The following MLLT3 variants were observed in gnomAD, a reference collection of about 807,000 sequenced individuals.
MLLT3 encodes the protein MLLT3 super elongation complex subunit.
In MLLT3, 4 loss-of-function variants were observed where a neutral mutation model predicts 53.2. The observed-to-expected ratio is 0.08, with a 90% CI of 0.04 to 0.17. MLLT3 has a LOEUF of 0.17. Ranked by LOEUF, MLLT3 falls within the 10% of genes least tolerant of loss-of-function variation. The pLI, the probability that MLLT3 is intolerant of heterozygous loss-of-function variation, is 1.00. For missense variants in MLLT3, 569 were observed against 684.0 expected (o/e 0.83, Z 1.87); for synonymous variants, 283 against 230.6 (o/e 1.23, Z -2.06).
At chr9:20,429,704 C>T (rs760972947) in intron 4 of MLLT3, among the ~76,000 whole-genome samples, 2 of 152,136 alleles carry the variant, frequency 1.3e-5, no homozygotes, top group South Asian at 2.1e-4. Flanking sequence ...GATACTGAAA[C>T]GTTTTCTGAT....
chr9:20,615,437 A>G (rs1442288506), intron 2 of MLLT3, among the ~76,000 whole-genome samples: 2 of 150,926 alleles, frequency 1.3e-5, no homozygotes, highest in Non-Finnish European at 3.0e-5. Flanking sequence ...GCCCAGAAAA[A>G]CCCAAGTTTA....
rs1366798891 is a variant in MLLT3 at position 20,470,171 on chromosome 9, C to T, written c.194-13385G>A. 4.0e-5 allele frequency among the ~76,000 whole-genome samples: 6 copies of T among 151,624 alleles called. No homozygotes were observed. In the South Asian group the frequency reaches 6.2e-4, roughly 16 times the overall value. On this transcript the variant is annotated intron_variant, in intron 2 of 10. Coordinates refer to ENST00000380338, the MANE Select transcript of MLLT3 (RefSeq NM_004529.4). Reference sequence around the variant, plus strand: ...AACTAAAAGATGAACATATACTTCTCACTGTGTACACATACTACCTTCAAA... The same window carrying T: ...AACTAAAAGATGAACATATACTTCTTACTGTGTACACATACTACCTTCAAA...
At chr9:20,538,483 C>T (rs1347423783) in intron 2 of MLLT3, among the ~76,000 whole-genome samples, 1 of 152,170 alleles carries the variant, frequency 6.6e-6, no homozygotes, top group Non-Finnish European at 1.5e-5. Context: ...ACCTCCACCT[C>T]AATATCAGGA....
rs74981601 is a variant in MLLT3, at chr9:20,498,366, T to A, written c.194-41580A>T. Among the ~76,000 whole-genome samples, 1,440 of 152,200 alleles carry A rather than the reference T, an allele frequency of 9.5e-3. 8 individuals are homozygous for A. Among genetic ancestry groups the A allele is most frequent in the Non-Finnish European group, 0.017 (1,148 of 68,006 alleles). ...TGTAATACTCTTCTATTGGTTTTAA[T>A]TTGCATTTTCCTAATCACTTATGAT... On this transcript the variant is annotated intron_variant, in intron 2 of 10. Transcript: ENST00000380338.
At chr9:20,395,225 A>T (rs915240335) in intron 5 of MLLT3, among the ~76,000 whole-genome samples, 1 of 152,030 alleles carries the variant, frequency 6.6e-6, no homozygotes, top group African/African-American at 2.4e-5. Context: ...CTGGCCTCCA[A>T]CTCCATACTG....
chr9:20,617,214 C>T (rs1047659439), intron 2 of MLLT3, among the ~76,000 whole-genome samples: 13 of 152,270 alleles, frequency 8.5e-5, no homozygotes, highest in East Asian at 3.9e-4. Flanking sequence ...ATGCACACAA[C>T]GTCTTCAGCT....
intron 5 of MLLT3, among the ~76,000 whole-genome samples, chr9:20,397,215 C>A (rs1364390284): frequency 6.6e-6 from 1 of 152,080 alleles, no homozygotes; most frequent in Non-Finnish European, 1.5e-5. Flanking sequence ...CATATTTTTT[C>A]AAGGGATTCC....
Position 20,620,559 on chromosome 9 carries a change from C to T in MLLT3, c.193+95G>A. 2.6e-6 allele frequency: 3 copies of T among 1,153,622 alleles called. No individual in the cohort carries two copies. In the South Asian group the frequency reaches 6.9e-5, roughly 27 times the overall value. The allele number at this position is 1,153,622 out of a possible 1,614,324, so 71.5% of individuals were successfully genotyped here. On this transcript the variant is annotated intron_variant, in intron 2 of 10. Coordinates refer to ENST00000380338, the MANE Select transcript of MLLT3 (RefSeq NM_004529.4). The surrounding 1 kb of genome is among the most constrained non-coding windows in gnomAD (Gnocchi z 6.1). ...CCCGAGGCTACGCCGGCGAGCGCGGCGCGGGGGGCGGGGAGCGGGACAGCG... is the reference window on the plus strand; with the variant it reads ...CCCGAGGCTACGCCGGCGAGCGCGGTGCGGGGGGCGGGGAGCGGGACAGCG...
chr9:20,600,131 A>C (rs915148685), intron 2 of MLLT3, among the ~76,000 whole-genome samples: 75 of 62,880 alleles, frequency 1.2e-3, no homozygotes, highest in Admixed American at 1.2e-3. Flanking sequence ...TGTCCAAAAA[A>C]AAAAAACAAA....
intron 4 of MLLT3, among the ~76,000 whole-genome samples, chr9:20,416,643 A>C (rs1822878961): frequency 6.6e-6 from 1 of 152,074 alleles, no homozygotes; most frequent in African/African-American, 2.4e-5. Context: ...TTTACTTCTC[A>C]TGTTGGTCTG....
intron 5 of MLLT3, among the ~76,000 whole-genome samples, chr9:20,372,554 A>ATTTT (rs34889625): frequency 1.1e-4 from 9 of 82,226 alleles, no homozygotes; most frequent in East Asian, 3.6e-4. Context: ...CGCCCGGCTA[A>ATTTT]TTTTTTTTTT....
intron 2 of MLLT3, among the ~76,000 whole-genome samples, chr9:20,505,175 A>G (rs907781137): frequency 7.9e-5 from 12 of 152,222 alleles, no homozygotes; most frequent in Admixed American, 2.6e-4. Context: ...GGTGAGATGC[A>G]TGTGTCAAAG....
intron 4 of MLLT3, among the ~76,000 whole-genome samples, chr9:20,444,188 T>C (rs1297981237): frequency 2.0e-5 from 3 of 152,168 alleles, no homozygotes; most frequent in African/African-American, 7.2e-5. Context: ...GAGAAAATTA[T>C]CTGTCGTGAT....
In MLLT3 at chr9:20,523,511, C is replaced by T. The variant is rs1462096589; in HGVS notation, c.194-66725G>A. Among the ~76,000 whole-genome samples the T allele has an allele frequency of 2.0e-5, 3 of 152,160 alleles. No homozygotes were observed. In the East Asian group the frequency reaches 5.8e-4, roughly 29 times the overall value. On this transcript the variant is annotated intron_variant, in intron 2 of 10. Transcript: ENST00000380338. ...ATGAAGAGATAAACTGTGGTACCTC[C>T]ACCACACAATGGAATATTATTCAAC... is the stretch of plus-strand genomic sequence containing the variant.
chr9:20,458,150 T>G (rs890200917), intron 2 of MLLT3, among the ~76,000 whole-genome samples: 1 of 152,212 alleles, frequency 6.6e-6, no homozygotes, highest in African/African-American at 2.4e-5. Context: ...CACAAGATCT[T>G]TCTAGACCAC....
intron 2 of MLLT3, among the ~76,000 whole-genome samples, chr9:20,613,103 C>T (rs992060243): frequency 1.3e-5 from 2 of 152,054 alleles, no homozygotes; most frequent in Admixed American, 6.5e-5. Flanking sequence ...AAGAGAATGA[C>T]GTGGCTCTTT....
Position 20,346,225 on chromosome 9 carries a change from T to A in MLLT3, c.*218A>T. ...TTCCTTGGAGAGAAGAGTGGTCCGC[T>A]GAGGCTGGTTTGCTTTAACCTCTCC... On this transcript the variant is annotated 3_prime_UTR_variant, in exon 11 of 11. Transcript: ENST00000380338. 2.2e-6 allele frequency: 1 copy of A among 449,134 alleles called. No individual in the cohort carries two copies. The highest frequency in any genetic ancestry group is 3.9e-6 in the Non-Finnish European group (1 of 256,574). 27.8% of individuals were successfully genotyped at this position (449,134 alleles called of 1,614,324 possible).
intron 10 of MLLT3, 72 bp downstream of exon 10, chr9:20,353,453 C>T (rs1273507863): frequency 2.4e-6 from 3 of 1,261,898 alleles, no homozygotes; most frequent in Non-Finnish European, 2.3e-6. Context: ...CCTCCAGGTG[C>T]TATCACACTA....
chr9:20,486,032 A>C (rs1586986701), intron 2 of MLLT3, among the ~76,000 whole-genome samples: 1 of 152,276 alleles, frequency 6.6e-6, no homozygotes, highest in East Asian at 1.9e-4. Flanking sequence ...GTATTGTATT[A>C]TTTTCAGCCA....
Sources: gnomAD v4.1 joint callset for allele counts (sites outside exome capture counted in the v4.1 genomes callset) on GRCh38, gnomAD v4.1.1 for gene constraint, Gnocchi (gnomAD v3.1) non-coding constraint, MANE v1.5 for transcripts, NCBI Gene and HGNC (gene_info 2026-07-23, HGNC 2026-07-21) for gene names.